Variants in WDPCP observed in about 807,000 individuals in gnomAD.
The protein encoded by WDPCP is WD repeat containing planar cell polarity effector.
In WDPCP, 71 loss-of-function variants were observed where a neutral mutation model predicts 93.1. The ratio of observed to expected loss-of-function variants is 0.76; its 90% CI spans 0.63 to 0.93. WDPCP has a LOEUF of 0.93. WDPCP is among the 40% of genes least tolerant of loss of function. The pLI, the probability that WDPCP is intolerant of heterozygous loss-of-function variation, is 0.00. For missense variants in WDPCP, 844 were observed against 887.4 expected, an observed-to-expected ratio of 0.95 and a Z score of 0.62; for synonymous variants, 315 against 315.0, an observed-to-expected ratio of 1.00 and a Z score of 0.00.
intron 6 of WDPCP, 54 bp downstream of exon 6, chr2:63,484,550 A>G (rs1700450677): frequency 6.2e-7 from 1 of 1,600,350 alleles, no homozygotes; most frequent in Non-Finnish European, 8.6e-7. Context: ...CAATTACTAC[A>G]TAGTTTTCAG....
At chr2:63,484,522 A>G (rs1383889548) in intron 6 of WDPCP, 82 bp downstream of exon 6, 1 of 1,548,540 alleles carries the variant, frequency 6.5e-7, no homozygotes, top group African/African-American at 1.4e-5. Flanking sequence ...TCCATTACCT[A>G]ACATAACACA....
intron 12 of WDPCP, among the ~76,000 whole-genome samples, chr2:63,354,289 G>C (rs187958829): frequency 6.6e-6 from 1 of 152,140 alleles, no homozygotes; most frequent in Non-Finnish European, 1.5e-5. Flanking sequence ...CATCTCTCTG[G>C]AGAAGAGCCT....
At chr2:63,726,675 A>G (rs909854993) in intron 2 of WDPCP, among the ~76,000 whole-genome samples, 1 of 152,212 alleles carries the variant, frequency 6.6e-6, no homozygotes. Context: ...ATCCATGATA[A>G]TGGAATGTTC....
chr2:63,138,454 CTT>C (rs770979974), intron 17 of WDPCP, among the ~76,000 whole-genome samples: 19 of 133,678 alleles, frequency 1.4e-4, no homozygotes, highest in African/African-American at 8.2e-5. Flanking sequence ...TGAGTAAGTT[CTT>C]TTTTTTTTTT....
At chr2:63,769,653 GAACTACTCTGAGTTTGGT>G (rs1178424963) in intron 2 of WDPCP, among the ~76,000 whole-genome samples, 1 of 151,740 alleles carries the variant, frequency 6.6e-6, no homozygotes, top group Non-Finnish European at 1.5e-5. Context: ...CAACAAGCAA[GAACTACTCTGAGTTTGGT>G]AACTACTCTG....
chr2:63,382,057 G>A lies in WDPCP; in HGVS notation c.1473C>T (p.Ile491=). ...FTRGQLGLID[I]IFQYIHCDEI... is the part of the protein sequence containing the mutation. ...CATCACAGTGAATGTACTGGAAGAT[G>A]ATGTCTATCAGGCCCAGCTGTCCTC... The change falls in exon 11 of 18, where the codon ATC becomes ATT. Residue 491 remains isoleucine, a synonymous_variant. Transcript: ENST00000272321. 1 of 1,613,278 alleles carries A rather than the reference G, an allele frequency of 6.2e-7. No homozygotes were observed. The highest frequency in any genetic ancestry group is 2.2e-5 in the East Asian group (1 of 44,744).
chr2:63,796,905 C>T (rs1670625757), intron 2 of WDPCP, among the ~76,000 whole-genome samples: 1 of 152,180 alleles, frequency 6.6e-6, no homozygotes, highest in South Asian at 2.1e-4. Flanking sequence ...CTCCCAACCC[C>T]AGGAAGCGCA....
At chr2:63,769,461 A>G (rs1044445194) in intron 2 of WDPCP, among the ~76,000 whole-genome samples, 1 of 152,060 alleles carries the variant, frequency 6.6e-6, no homozygotes, top group African/African-American at 2.4e-5. Context: ...TTAGAAATAT[A>G]ATTAGTTTTT....
intron 10 of WDPCP, among the ~76,000 whole-genome samples, chr2:63,394,274 A>G (rs1333878143): frequency 6.6e-6 from 1 of 152,178 alleles, no homozygotes; most frequent in Non-Finnish European, 1.5e-5. Flanking sequence ...GCCTACAACC[A>G]TATGAAAAAA....
At chr2:63,528,984 T>A (rs1449782996) in intron 1 of WDPCP, among the ~76,000 whole-genome samples, 1 of 152,232 alleles carries the variant, frequency 6.6e-6, no homozygotes, top group Non-Finnish European at 1.5e-5. Context: ...GAATTGTGAA[T>A]GGGAGTTCAC....
intron 2 of WDPCP, among the ~76,000 whole-genome samples, chr2:63,743,925 G>A (rs1225034755): frequency 6.6e-6 from 1 of 152,042 alleles, no homozygotes; most frequent in Non-Finnish European, 1.5e-5. Context: ...AAAACAGAAA[G>A]CAGTACTAAT....
At position 63,370,820 on chromosome 2, in the gene WDPCP, TTC is replaced by T. The variant is rs1438002446; in HGVS notation, c.1748+7564_1748+7565del. 2.6e-5 allele frequency among the ~76,000 whole-genome samples: 4 copies of T among 152,170 alleles called. No homozygotes were observed. In the East Asian group the frequency reaches 7.7e-4, roughly 29 times the overall value. On this transcript the variant is annotated intron_variant, in intron 12 of 17. Transcript: ENST00000272321. The stretch of plus-strand genomic sequence containing the variant: ...TTCATTGTATTCCCTTTGCTTTTTT[TTC>T]TGTTTGACTAATCTTGTCAAAGAAG...
chr2:63,558,002 A>G (rs1452519254), intron 1 of WDPCP, among the ~76,000 whole-genome samples: 1 of 152,184 alleles, frequency 6.6e-6, no homozygotes, highest in African/African-American at 2.4e-5. Context: ...AAGCAGTGTC[A>G]TAAGGGAAAT....
chr2:63,375,838 C>T (rs1012797099), intron 12 of WDPCP, among the ~76,000 whole-genome samples: 1 of 151,726 alleles, frequency 6.6e-6, no homozygotes, highest in African/African-American at 2.4e-5. Flanking sequence ...TAATCCAATC[C>T]AAATTCAGGC....
chr2:63,594,461 G>A, intron 3 of WDPCP: 2 of 1,485,866 alleles, frequency 1.3e-6, no homozygotes, highest in Non-Finnish European at 1.9e-6. Flanking sequence ...AGTACTTAAA[G>A]ATGTTAATGG....
intron 3 of WDPCP, among the ~76,000 whole-genome samples, chr2:63,621,215 T>C (rs1558868376): frequency 6.6e-6 from 1 of 151,848 alleles, no homozygotes; most frequent in Non-Finnish European, 1.5e-5. Context: ...CGGTGGCTAA[T>C]AACAAACTCC....
intron 12 of WDPCP, among the ~76,000 whole-genome samples, chr2:63,368,316 T>G (rs1358564830): frequency 1.1e-5 from 1 of 91,636 alleles, no homozygotes; most frequent in African/African-American, 4.0e-5. Flanking sequence ...ATTTATTTAT[T>G]TATTTATTTA....
intron 9 of WDPCP, among the ~76,000 whole-genome samples, chr2:63,422,487 C>A (rs1188150235): frequency 6.6e-6 from 1 of 152,136 alleles, no homozygotes; most frequent in Non-Finnish European, 1.5e-5. Context: ...AATAAACAGA[C>A]ATTTGTCCTG....
chr2:63,673,315 A>T (rs1710368008), intron 2 of WDPCP, among the ~76,000 whole-genome samples: 1 of 152,206 alleles, frequency 6.6e-6, no homozygotes, highest in African/African-American at 2.4e-5. Flanking sequence ...ATGCCTGTGA[A>T]GGATAAAGTG....
Sources: allele counts gnomAD v4.1 joint callset (sites outside exome capture counted in the v4.1 genomes callset), GRCh38; gene constraint gnomAD v4.1.1; transcripts MANE v1.5; gene names NCBI Gene and HGNC (gene_info 2026-07-23, HGNC 2026-07-21).